The following GPR158 variants were observed in gnomAD, a reference collection of about 807,000 sequenced individuals.
The protein encoded by GPR158 is metabotropic glycine receptor.
In GPR158, 30 loss-of-function variants were observed where a neutral mutation model predicts 78.2. That is an observed-to-expected ratio of 0.38 (90% CI 0.29 to 0.52). The LOEUF (loss-of-function observed/expected upper bound fraction) is 0.52. Ranked by LOEUF, GPR158 falls within the 20% of genes least tolerant of loss-of-function variation. The probability of loss-of-function intolerance (pLI) is 0.83; values close to 1 mark genes in which losing one functional copy is unlikely to be tolerated. For synonymous variants in GPR158, 581 were observed against 591.1 expected (o/e 0.98, Z 0.25); for missense variants, 1,463 against 1,523.5 (o/e 0.96, Z 0.66).
chr10:25,347,385 C>G lies in GPR158; in HGVS notation c.1009-48526C>G, dbSNP rs190648105. 3.9e-5 allele frequency among the ~76,000 whole-genome samples: 6 copies of G among 151,974 alleles called. No individual in the cohort carries two copies. The South Asian group carries it at 1.0e-3, about 26-fold the overall frequency. On this transcript the variant is annotated intron_variant, in intron 2 of 10. Coordinates refer to ENST00000376351, the MANE Select transcript of GPR158 (RefSeq NM_020752.3). ...ATTAGCTCAGAATCCAGGATAATCT[C>G]TACATCTCAAGGCCCTTAATTCAGT...
intron 5 of GPR158, among the ~76,000 whole-genome samples, chr10:25,495,169 A>G (rs2130651666): frequency 6.6e-6 from 1 of 151,448 alleles, no homozygotes; most frequent in South Asian, 2.1e-4. Flanking sequence ...TTTTTTAGAT[A>G]TATAAGTACA....
chr10:25,498,746 C>T (rs570189499), intron 5 of GPR158, among the ~76,000 whole-genome samples: 15 of 152,152 alleles, frequency 9.9e-5, no homozygotes, highest in Non-Finnish European at 2.2e-4. Flanking sequence ...GGCAGCAAAC[C>T]ATTTTTGAAT....
intron 5 of GPR158, among the ~76,000 whole-genome samples, chr10:25,471,896 C>T (rs1835509952): frequency 6.6e-6 from 1 of 152,066 alleles, no homozygotes; most frequent in South Asian, 2.1e-4. Context: ...CGAAAATTTT[C>T]TCCCATTTTG....
chr10:25,512,184 T>A (rs1836095260), intron 5 of GPR158, among the ~76,000 whole-genome samples: 1 of 152,182 alleles, frequency 6.6e-6, no homozygotes, highest in Admixed American at 6.5e-5. Context: ...GTGTTTCCAT[T>A]TGTTTGTGTT....
At chr10:25,241,880 A>G (rs948334913) in intron 2 of GPR158, among the ~76,000 whole-genome samples, 7 of 152,170 alleles carry the variant, frequency 4.6e-5, no homozygotes, top group Non-Finnish European at 7.3e-5. Flanking sequence ...CTTTAAACAC[A>G]CTTTTCTGTA....
intron 3 of GPR158, among the ~76,000 whole-genome samples, chr10:25,408,694 TGTGTGC>T (rs760039313): frequency 6.6e-6 from 1 of 152,228 alleles, no homozygotes; most frequent in Non-Finnish European, 1.5e-5. Context: ...GTTTTTGACT[TGTGTGC>T]CCTATGATTC....
intron 5 of GPR158, among the ~76,000 whole-genome samples, chr10:25,542,497 C>T (rs933475724): frequency 9.2e-5 from 14 of 152,068 alleles, no homozygotes; most frequent in Middle Eastern, 3.2e-3. Context: ...ATCAATGTGT[C>T]TATACTTGCA....
At chr10:25,411,751 C>T (rs1228347162) in intron 3 of GPR158, among the ~76,000 whole-genome samples, 2 of 151,636 alleles carry the variant, frequency 1.3e-5, no homozygotes, top group Non-Finnish European at 2.9e-5. Context: ...CTGGCTAACA[C>T]AGTGAAACCC....
intron 2 of GPR158, among the ~76,000 whole-genome samples, chr10:25,255,554 T>C (rs1853879117): frequency 6.6e-6 from 1 of 152,218 alleles, no homozygotes. Flanking sequence ...TTGGCAGAAT[T>C]AACTCCCTTG....
chr10:25,372,163 A>G (rs911671495), intron 2 of GPR158, among the ~76,000 whole-genome samples: 1 of 151,892 alleles, frequency 6.6e-6, no homozygotes, highest in African/African-American at 2.4e-5. Flanking sequence ...ATGAGATACC[A>G]TCTCATACTG....
intron 2 of GPR158, among the ~76,000 whole-genome samples, chr10:25,363,001 A>C (rs10828775): frequency 0.58 from 88,335 of 151,606 alleles, 28,486 homozygotes; most frequent in Non-Finnish European, 0.75. Context: ...TATATGGTTG[A>C]ATCATGTTTT....
At chr10:25,264,531 C>G (rs1854015179) in intron 2 of GPR158, among the ~76,000 whole-genome samples, 2 of 152,130 alleles carry the variant, frequency 1.3e-5, no homozygotes, top group African/African-American at 4.8e-5. Flanking sequence ...CATCTAAATG[C>G]AACAGCATAA....
At chr10:25,179,600 A>C (rs553900118) in intron 1 of GPR158, among the ~76,000 whole-genome samples, 1 of 152,306 alleles carries the variant, frequency 6.6e-6, no homozygotes, top group African/African-American at 2.4e-5. Flanking sequence ...ACAATCTCTC[A>C]GAATAAATTC....
At chr10:25,595,027 T>G (rs1292076932) in intron 9 of GPR158, among the ~76,000 whole-genome samples, 1 of 152,100 alleles carries the variant, frequency 6.6e-6, no homozygotes, top group Non-Finnish European at 1.5e-5. Context: ...TATTGGAGTT[T>G]TTTTTCTCTG....
chr10:25,596,932 G>T, intron 10 of GPR158, 143 bp downstream of exon 10: 1 of 678,158 alleles, frequency 1.5e-6, no homozygotes, highest in Non-Finnish European at 2.5e-6. Flanking sequence ...ATGTGTTTGG[G>T]TATGAACTGA....
At chr10:25,592,249 C>T (rs753779064) in intron 8 of GPR158, among the ~76,000 whole-genome samples, 9 of 151,842 alleles carry the variant, frequency 5.9e-5, no homozygotes, top group Non-Finnish European at 1.0e-4. Flanking sequence ...TACCTTTATT[C>T]ATACCAAATT....
At chr10:25,238,032 T>TA (rs869028587) in intron 2 of GPR158, among the ~76,000 whole-genome samples, 1 of 152,114 alleles carries the variant, frequency 6.6e-6, no homozygotes, top group Non-Finnish European at 1.5e-5. Flanking sequence ...CTTCCTTTTT[T>TA]AAAAAAATTC....
chr10:25,317,046 A>G (rs1239576800), intron 2 of GPR158, among the ~76,000 whole-genome samples: 1 of 149,750 alleles, frequency 6.7e-6, no homozygotes, highest in East Asian at 2.0e-4. Flanking sequence ...TAAATTTTTA[A>G]AGTAATTTTT....
intron 5 of GPR158, among the ~76,000 whole-genome samples, chr10:25,548,814 A>G (rs1389329147): frequency 6.6e-6 from 1 of 152,126 alleles, no homozygotes; most frequent in Admixed American, 6.6e-5. Flanking sequence ...TAAAACTTAT[A>G]CCTCCACCAT....
Sources: gnomAD v4.1 joint callset for allele counts (sites outside exome capture counted in the v4.1 genomes callset) on GRCh38, gnomAD v4.1.1 for gene constraint, MANE v1.5 for transcripts, NCBI Gene and HGNC (gene_info 2026-07-23, HGNC 2026-07-21) for gene names.